The following PDGFC variants were observed in gnomAD, a reference collection of about 807,000 sequenced individuals.
The protein encoded by PDGFC is platelet-derived growth factor C.
A neutral mutation model predicts 35.5 loss-of-function variants in PDGFC; 12 were observed. That is an observed-to-expected ratio of 0.34 (90% CI 0.22 to 0.55). The LOEUF (loss-of-function observed/expected upper bound fraction) is 0.55, where lower values mean the gene tolerates loss of function less well. Ranked by LOEUF, PDGFC falls within the 20% of genes least tolerant of loss-of-function variation. The pLI, the probability that PDGFC is intolerant of heterozygous loss-of-function variation, is 0.91. For synonymous variants in PDGFC, 159 were observed against 148.8 expected, an observed-to-expected ratio of 1.07 and a Z score of -0.50; for missense variants, 322 against 412.4, an observed-to-expected ratio of 0.78 and a Z score of 1.90.
intron 1 of PDGFC, among the ~76,000 whole-genome samples, chr4:156,894,853 T>C (rs953129224): frequency 6.6e-6 from 1 of 152,218 alleles, no homozygotes; most frequent in African/African-American, 2.4e-5. Context: ...CAATTTTTTG[T>C]AGATTTGGAT....
intron 2 of PDGFC, among the ~76,000 whole-genome samples, chr4:156,841,734 G>C (rs1729210711): frequency 6.6e-6 from 1 of 151,990 alleles, no homozygotes. Flanking sequence ...TCAATCTCCT[G>C]ACCTCTGGTG....
chr4:156,937,802 C>T (rs1029171644), intron 1 of PDGFC, among the ~76,000 whole-genome samples: 1 of 152,046 alleles, frequency 6.6e-6, no homozygotes, highest in African/African-American at 2.4e-5. Context: ...TTACACAATA[C>T]AATACAACCC....
At chr4:156,779,830 C>G (rs1730929142) in intron 3 of PDGFC, among the ~76,000 whole-genome samples, 1 of 152,192 alleles carries the variant, frequency 6.6e-6, no homozygotes, top group Admixed American at 6.5e-5. Flanking sequence ...TCAACACCTT[C>G]TCACCTAAAG....
intron 1 of PDGFC, among the ~76,000 whole-genome samples, chr4:156,869,788 G>T (rs1273908192): frequency 6.6e-6 from 1 of 152,046 alleles, no homozygotes; most frequent in Non-Finnish European, 1.5e-5. Flanking sequence ...ACATTTCAGT[G>T]AACAAGATTG....
intron 1 of PDGFC, among the ~76,000 whole-genome samples, chr4:156,874,123 A>C (rs1269783480): frequency 1.3e-5 from 2 of 152,176 alleles, no homozygotes. Flanking sequence ...CTAGACATAA[A>C]GTATTTTCTA....
At chr4:156,808,062 T>C (rs1205101808) in intron 3 of PDGFC, among the ~76,000 whole-genome samples, 1 of 152,016 alleles carries the variant, frequency 6.6e-6, no homozygotes, top group Non-Finnish European at 1.5e-5. Flanking sequence ...TAGCGTAATA[T>C]ATTAGGACAG....
At chr4:156,784,600 T>C (rs557367681) in intron 3 of PDGFC, among the ~76,000 whole-genome samples, 2 of 152,136 alleles carry the variant, frequency 1.3e-5, no homozygotes, top group Admixed American at 6.5e-5. Flanking sequence ...GAAAGAATCA[T>C]AGATTTATGA....
chr4:156,931,111 C>A (rs747599920), intron 1 of PDGFC, among the ~76,000 whole-genome samples: 24 of 152,150 alleles, frequency 1.6e-4, no homozygotes, highest in Non-Finnish European at 2.2e-4. Context: ...TCTGAATAGA[C>A]AAAACTGACA....
At chr4:156,898,370 G>A (rs1730685551) in intron 1 of PDGFC, among the ~76,000 whole-genome samples, 1 of 152,118 alleles carries the variant, frequency 6.6e-6, no homozygotes, top group Admixed American at 6.5e-5. Context: ...AAAAAAACAA[G>A]TTAAACACAC....
At chr4:156,969,275 G>A (rs1402048986) in intron 1 of PDGFC, among the ~76,000 whole-genome samples, 1 of 152,188 alleles carries the variant, frequency 6.6e-6, no homozygotes, top group Non-Finnish European at 1.5e-5. Flanking sequence ...TTTCCTGCAC[G>A]GGTACAGCTG....
chr4:156,945,379 ATATATATATAT>A (rs1731921296), intron 1 of PDGFC, among the ~76,000 whole-genome samples: 1 of 128,184 alleles, frequency 7.8e-6, no homozygotes, highest in Non-Finnish European at 1.6e-5. Flanking sequence ...ATATATATAT[ATATATATATAT>A]AATCAGTAGG....
intron 3 of PDGFC, among the ~76,000 whole-genome samples, chr4:156,793,065 G>A (rs1221889640): frequency 1.3e-5 from 2 of 152,048 alleles, no homozygotes; most frequent in African/African-American, 4.8e-5. Context: ...TCAACAAGCT[G>A]TCTATTTTAA....
At chr4:156,895,451 G>A (rs557688433) in intron 1 of PDGFC, among the ~76,000 whole-genome samples, 2 of 152,110 alleles carry the variant, frequency 1.3e-5, no homozygotes, top group South Asian at 2.1e-4. Context: ...TGGCCAACAT[G>A]GTAAACCCCA....
At chr4:156,906,104 C>T (rs1213716385) in intron 1 of PDGFC, among the ~76,000 whole-genome samples, 1 of 152,092 alleles carries the variant, frequency 6.6e-6, no homozygotes, top group Non-Finnish European at 1.5e-5. Flanking sequence ...ACACATTTTA[C>T]ATACTAGCAC....
intron 1 of PDGFC, among the ~76,000 whole-genome samples, chr4:156,904,515 C>T (rs1362923197): frequency 2.0e-5 from 3 of 151,954 alleles, no homozygotes; most frequent in African/African-American, 7.2e-5. Context: ...CTCTATTGCT[C>T]GAAACACTAG....
chr4:156,829,520 T>A (rs1728874028), intron 2 of PDGFC, among the ~76,000 whole-genome samples: 1 of 152,152 alleles, frequency 6.6e-6, no homozygotes, highest in African/African-American at 2.4e-5. Context: ...TTTTCTCACT[T>A]TAAAATTTTC....
At chr4:156,915,128 T>A (rs1731128629) in intron 1 of PDGFC, among the ~76,000 whole-genome samples, 1 of 152,104 alleles carries the variant, frequency 6.6e-6, no homozygotes, top group Non-Finnish European at 1.5e-5. Flanking sequence ...ACTGCAAAAG[T>A]TATCAACTAC....
At chr4:156,789,598 A>G (rs539695420) in intron 3 of PDGFC, among the ~76,000 whole-genome samples, 1 of 152,322 alleles carries the variant, frequency 6.6e-6, no homozygotes, top group East Asian at 1.9e-4. Flanking sequence ...TCACTTGAGA[A>G]GTGGCTGACA....
chr4:156,849,623 C>A, intron 2 of PDGFC, among the ~76,000 whole-genome samples: 1 of 152,132 alleles, frequency 6.6e-6, no homozygotes, highest in East Asian at 1.9e-4. Flanking sequence ...CTCCAGCTGA[C>A]TTTGGTTCAT....
Sources: allele counts gnomAD v4.1 joint callset (sites outside exome capture counted in the v4.1 genomes callset), GRCh38; gene constraint gnomAD v4.1.1; transcripts MANE v1.5; gene names NCBI Gene and HGNC (gene_info 2026-07-23, HGNC 2026-07-21).